NKAIN3: variants seen among roughly 807,000 people sequenced by gnomAD.
NKAIN3 encodes sodium/potassium-transporting ATPase subunit beta-1-interacting protein 3.
In NKAIN3, 25 loss-of-function variants were observed where a neutral mutation model predicts 30.2. The observed-to-expected ratio is 0.83, with a 90% CI of 0.60 to 1.16. NKAIN3 has a LOEUF of 1.16. NKAIN3 is among the 50% of genes most tolerant of loss of function. The probability of loss-of-function intolerance (pLI) is 0.00; values close to 1 mark genes in which losing one functional copy is unlikely to be tolerated. For missense variants in NKAIN3, 225 were observed against 254.1 expected (o/e 0.89, Z 0.78); for synonymous variants, 91 against 89.6 (o/e 1.02, Z -0.09).
chr8:62,795,330 G>A (rs935598289), intron 4 of NKAIN3, among the ~76,000 whole-genome samples: 4 of 152,162 alleles, frequency 2.6e-5, no homozygotes, highest in Admixed American at 6.5e-5. Flanking sequence ...TTGAGTTAGA[G>A]GTTAGTGAAA....
intron 4 of NKAIN3, among the ~76,000 whole-genome samples, chr8:62,839,981 CT>C (rs1819483415): frequency 1.3e-5 from 2 of 152,240 alleles, no homozygotes; most frequent in Non-Finnish European, 2.9e-5. Flanking sequence ...AATTTTCTCT[CT>C]AGATTGTAAA....
At chr8:62,888,174 T>C (rs1821200779) in intron 4 of NKAIN3, among the ~76,000 whole-genome samples, 1 of 152,212 alleles carries the variant, frequency 6.6e-6, no homozygotes, top group Non-Finnish European at 1.5e-5. Flanking sequence ...TGGGTATTTC[T>C]CTTTCCCCAG....
chr8:62,439,440 G>C (rs1353410880), intron 1 of NKAIN3, among the ~76,000 whole-genome samples: 2 of 152,182 alleles, frequency 1.3e-5, no homozygotes, highest in African/African-American at 4.8e-5. Context: ...TTTAGCAGGT[G>C]TTTGAGCCTG....
At chr8:62,470,844 AC>A (rs1467656938) in intron 1 of NKAIN3, among the ~76,000 whole-genome samples, 2 of 152,100 alleles carry the variant, frequency 1.3e-5, no homozygotes, top group African/African-American at 2.4e-5. Context: ...TAAAAAAAAA[AC>A]AACTTAGGTT....
At chr8:62,668,066 A>G (rs953560769) in intron 3 of NKAIN3, among the ~76,000 whole-genome samples, 4 of 151,570 alleles carry the variant, frequency 2.6e-5, no homozygotes, top group African/African-American at 9.7e-5. Context: ...TGAACACCCT[A>G]CGTAAATCCA....
chr8:62,414,551 G>A (rs1271741814), intron 1 of NKAIN3, among the ~76,000 whole-genome samples: 1 of 152,168 alleles, frequency 6.6e-6, no homozygotes, highest in Non-Finnish European at 1.5e-5. Flanking sequence ...AGTTGCAGGA[G>A]TGTGAAAAAT....
At chr8:62,360,424 A>G (rs982669659) in intron 1 of NKAIN3, among the ~76,000 whole-genome samples, 15 of 152,208 alleles carry the variant, frequency 9.9e-5, no homozygotes, top group African/African-American at 3.6e-4. Context: ...GTGATTCTGG[A>G]CAAGCAAGGA....
At chr8:62,619,037 G>A (rs1414110671) in intron 3 of NKAIN3, among the ~76,000 whole-genome samples, 6 of 152,170 alleles carry the variant, frequency 3.9e-5, no homozygotes, top group Admixed American at 6.5e-5. Flanking sequence ...TGGTGGTAAT[G>A]GTGTTCAGAG....
intron 3 of NKAIN3, among the ~76,000 whole-genome samples, chr8:62,657,408 T>C (rs2130349664): frequency 6.6e-6 from 1 of 152,358 alleles, no homozygotes; most frequent in South Asian, 2.1e-4. Context: ...TATCCTATCA[T>C]GTGCCCTTAG....
intron 1 of NKAIN3, among the ~76,000 whole-genome samples, chr8:62,302,472 G>C (rs548577714): frequency 6.6e-6 from 1 of 152,000 alleles, no homozygotes; most frequent in African/African-American, 2.4e-5. Context: ...TTTGAAAGAT[G>C]TATCAATAAC....
chr8:62,333,124 T>C (rs1317080), intron 1 of NKAIN3, among the ~76,000 whole-genome samples: 84,550 of 152,004 alleles, frequency 0.56, 24,234 homozygotes, highest in Non-Finnish European at 0.63. Flanking sequence ...CAGAAATGTG[T>C]AATTTCTCTA....
intron 4 of NKAIN3, among the ~76,000 whole-genome samples, chr8:62,883,459 T>TGTTGTTGTTTTTTTTTTTG (rs1554588081): frequency 1.3e-5 from 1 of 78,378 alleles, no homozygotes; most frequent in Non-Finnish European, 2.9e-5. Flanking sequence ...TTTTATGGGT[T>TGTTGTTGTTTTTTTTTTTG]TTTTTTTTTT....
chr8:62,410,447 T>G (rs1804203991), intron 1 of NKAIN3, among the ~76,000 whole-genome samples: 1 of 152,188 alleles, frequency 6.6e-6, no homozygotes, highest in African/African-American at 2.4e-5. Flanking sequence ...TTTGGTATAA[T>G]GATCTATTTT....
intron 3 of NKAIN3, among the ~76,000 whole-genome samples, chr8:62,688,329 G>A (rs1813858029): frequency 6.6e-6 from 1 of 152,132 alleles, no homozygotes; most frequent in Admixed American, 6.5e-5. Flanking sequence ...CTACAAAATG[G>A]AGCAGATGAT....
intron 1 of NKAIN3, among the ~76,000 whole-genome samples, chr8:62,413,363 A>T (rs1005695675): frequency 6.6e-6 from 1 of 152,182 alleles, no homozygotes; most frequent in South Asian, 2.1e-4. Context: ...CATTCTGAAT[A>T]TTTGGGACAA....
chr8:62,954,927 T>A (rs1380213507), intron 6 of NKAIN3, among the ~76,000 whole-genome samples: 1 of 152,230 alleles, frequency 6.6e-6, no homozygotes, highest in Non-Finnish European at 1.5e-5. Context: ...CTTGCTCAGA[T>A]GATCTTTTTT....
chr8:62,657,334 C>T (rs1305013957), intron 3 of NKAIN3, among the ~76,000 whole-genome samples: 1 of 152,116 alleles, frequency 6.6e-6, no homozygotes, highest in East Asian at 1.9e-4. Context: ...TTGGTCAATA[C>T]TCTATGTTTA....
Position 62,595,382 on chromosome 8 carries a change from C to CTTTTT in NKAIN3, c.273+5603_273+5607dup, listed in dbSNP as rs1181598520. Among the ~76,000 whole-genome samples, 90 of 109,906 alleles carry CTTTTT rather than the reference C, an allele frequency of 8.2e-4. 1 individual carries two copies. The highest frequency in any genetic ancestry group is 1.1e-3 in the Admixed American group (10 of 9,394). The allele number at this position is 109,906 out of a possible 152,430, so 72.1% of individuals were successfully genotyped here. A position where few individuals can be genotyped will look rare whatever the true frequency, so the allele number is the denominator to read the frequency against. On this transcript the variant is annotated intron_variant, in intron 3 of 6. Transcript: ENST00000623646. ...ATTTGGGGTTTTTTGGGGCTATTTT[C>CTTTTT]TTTTTTTTTTTTTTTTTTTGCAGTT...
intron 1 of NKAIN3, among the ~76,000 whole-genome samples, chr8:62,354,144 A>G (rs917724297): frequency 2.6e-5 from 4 of 152,224 alleles, no homozygotes; most frequent in African/African-American, 9.6e-5. Context: ...ATTCTTTTAG[A>G]AAAACAACGT....
Sources: gnomAD v4.1 joint callset for allele counts (sites outside exome capture counted in the v4.1 genomes callset) on GRCh38, gnomAD v4.1.1 for gene constraint, MANE v1.5 for transcripts, NCBI Gene and HGNC (gene_info 2026-07-23, HGNC 2026-07-21) for gene names.